Variants in SGSM3 observed in about 807,000 individuals in gnomAD.
The protein encoded by SGSM3 is small G protein signaling modulator 3.
In SGSM3, 96 loss-of-function variants were observed where a neutral mutation model predicts 100.5. That is an observed-to-expected ratio of 0.96 (90% confidence interval 0.81 to 1.13). SGSM3 has a LOEUF of 1.13. SGSM3 is among the 50% of genes most tolerant of loss of function. SGSM3 has a pLI of 0.00. For missense variants in SGSM3, 1,001 were observed against 1,015.8 expected (o/e 0.99, Z 0.20); for synonymous variants, 483 against 422.8 (o/e 1.14, Z -1.75).
At chr22:40,375,574 C>CT (rs2046406384) in intron 1 of SGSM3, among the ~76,000 whole-genome samples, 1 of 147,592 alleles carries the variant, frequency 6.8e-6, no homozygotes, top group Admixed American at 6.7e-5. Flanking sequence ...GAGTGAAACT[C>CT]TGTCTCAAAA....
At chr22:40,378,590 G>A (rs1011677241) in intron 1 of SGSM3, among the ~76,000 whole-genome samples, 9 of 151,864 alleles carry the variant, frequency 5.9e-5, no homozygotes, top group Non-Finnish European at 8.8e-5. Flanking sequence ...AAAATTAGCC[G>A]GGTGTGGTGG....
At chr22:40,375,515 G>A (rs1229296389) in intron 1 of SGSM3, among the ~76,000 whole-genome samples, 1 of 151,902 alleles carries the variant, frequency 6.6e-6, no homozygotes, top group Non-Finnish European at 1.5e-5. Flanking sequence ...GGGAGGCATA[G>A]GTTGCAGTGA....
At chr22:40,395,080 C>T (rs961540462) in intron 1 of SGSM3, among the ~76,000 whole-genome samples, 1 of 152,138 alleles carries the variant, frequency 6.6e-6, no homozygotes, top group South Asian at 2.1e-4. Context: ...GAAGAAATTG[C>T]AGGTTCATGA....
At chr22:40,387,514 A>T (rs1430743254) in intron 1 of SGSM3, 1 of 275,558 alleles carries the variant, frequency 3.6e-6, no homozygotes, top group East Asian at 5.9e-5. Flanking sequence ...TTAATATAAA[A>T]CTTTCAATAT....
rs1476307873 is a variant in SGSM3, at chr22:40,408,621, C to G, written c.1783-6C>G. The G allele has an allele frequency of 1.9e-6, 3 of 1,613,688 alleles. No homozygotes were observed. The highest frequency in any genetic ancestry group is 2.2e-5 in the East Asian group (1 of 44,872). ...CCTGCACTCACACCGTGTGCTGTCC[C>G]CACAGGCTGCAGGCCGGGAGGTCGA... On this transcript the variant is annotated splice_polypyrimidine_tract_variant and splice_region_variant and intron_variant, in intron 16 of 21. Coordinates refer to ENST00000248929, the MANE Select transcript of SGSM3 (RefSeq NM_015705.6).
chr22:40,382,029 C>T lies in SGSM3; in HGVS notation c.-112+11341C>T, dbSNP rs80165341. Among the ~76,000 whole-genome samples, 176 of 152,188 alleles carry T rather than the reference C, an allele frequency of 1.2e-3. No individual in the cohort carries two copies. The East Asian group carries it at 0.029, about 25-fold the overall frequency. ...GATCAGAATAAAAGCTCCACAGAGA[C>T]AGGATTTTGTTTTGTTCACTGTCCT... On this transcript the variant is annotated intron_variant, in intron 1 of 21. Transcript: ENST00000248929.
At chr22:40,406,703 CG>C in intron 10 of SGSM3, 41 bp downstream of exon 10, 1 of 1,514,572 alleles carries the variant, frequency 6.6e-7, no homozygotes, top group Non-Finnish European at 9.1e-7. Flanking sequence ...CCACAGCACA[CG>C]GGGAGGAGGG....
At chr22:40,400,418 C>T (rs923667967) in intron 1 of SGSM3, among the ~76,000 whole-genome samples, 5 of 152,018 alleles carry the variant, frequency 3.3e-5, no homozygotes, top group Admixed American at 6.6e-5. Context: ...CCGAGGCCGG[C>T]GGGATCACGA....
chr22:40,393,077 A>G (rs937646390), intron 1 of SGSM3, among the ~76,000 whole-genome samples: 2 of 152,210 alleles, frequency 1.3e-5, no homozygotes, highest in African/African-American at 2.4e-5. Context: ...TTGTTTATCC[A>G]TCAATTGATG....
At position 40,408,423 on chromosome 22, in the gene SGSM3, CGAG is replaced by C. The variant is rs1569227299; in HGVS notation, c.1781_1782+1del. 1 of 1,613,420 alleles carries C rather than the reference CGAG, an allele frequency of 6.2e-7. No individual in the cohort carries two copies. The highest frequency in any genetic ancestry group is 1.1e-5 in the South Asian group (1 of 91,074). On this transcript the variant is annotated inframe_deletion, in exon 16 of 22. Transcript: ENST00000248929. ...GCGCCTGCCACCCCTGGCTGTTTAT[CGAG>C]GAGGTAAGTCAGTGGCTGGGCCCAT...
chr22:40,405,260 C>T lies in SGSM3; in HGVS notation c.594C>T (p.Ile198=), dbSNP rs369794718. The change falls in exon 7 of 22, where the codon ATC becomes ATT. Residue 198 remains isoleucine, a synonymous_variant. Coordinates refer to ENST00000248929, the MANE Select transcript of SGSM3 (RefSeq NM_015705.6). ...CCCTGGCCTGGCTCTACCCAGAGATCGGCTACTGCCAGGGCACCGGCATGG... is the reference window on the plus strand; with the variant it reads ...CCCTGGCCTGGCTCTACCCAGAGATTGGCTACTGCCAGGGCACCGGCATGG... ...LRALAWLYPE[I]GYCQGTGMVA... 46 of 1,522,840 alleles carry T rather than the reference C, an allele frequency of 3.0e-5. No homozygotes were observed. The African/African-American group carries it at 3.2e-4, about 11-fold the overall frequency. 94.3% of individuals were successfully genotyped at this position (1,522,840 alleles called of 1,614,324 possible).
intron 1 of SGSM3, among the ~76,000 whole-genome samples, chr22:40,372,290 A>C (rs1244220677): frequency 4.0e-5 from 6 of 151,310 alleles, no homozygotes; most frequent in Non-Finnish European, 8.8e-5. Flanking sequence ...CCACACCCGG[A>C]TAATTTTTTG....
rs770473075 is a variant in SGSM3, at chr22:40,404,677, G to C, written c.474+13G>C. ...CGCTGCCAAGCAGGTGAGGCCGGTGGCACTGTGCAGGAAGAGCTGGAGGCT... is the reference window on the plus strand; with the variant it reads ...CGCTGCCAAGCAGGTGAGGCCGGTGCCACTGTGCAGGAAGAGCTGGAGGCT... On this transcript the variant is annotated intron_variant, in intron 6 of 21. Coordinates refer to ENST00000248929, the MANE Select transcript of SGSM3 (RefSeq NM_015705.6). 6.3e-7 allele frequency: 1 copy of C among 1,584,362 alleles called. No individual in the cohort carries two copies. Among genetic ancestry groups the C allele is most frequent in the Non-Finnish European group, 8.6e-7 (1 of 1,156,648 alleles).
intron 1 of SGSM3, among the ~76,000 whole-genome samples, chr22:40,379,842 T>G (rs915995157): frequency 1.3e-5 from 2 of 152,072 alleles, no homozygotes; most frequent in Non-Finnish European, 2.9e-5. Context: ...CTGAGTAATC[T>G]GGGACTACAG....
intron 7 of SGSM3, 33 bp downstream of exon 7, chr22:40,405,317 C>T (rs2051319941): frequency 6.9e-7 from 1 of 1,446,226 alleles, no homozygotes; most frequent in Non-Finnish European, 9.1e-7. Flanking sequence ...CAGTGGCAGC[C>T]CCAGGACCCC....
chr22:40,405,987 T>C, intron 8 of SGSM3, 91 bp from the exon 9 acceptor site: 2 of 1,531,740 alleles, frequency 1.3e-6, no homozygotes, highest in Non-Finnish European at 1.8e-6. Context: ...CTCCCCTCCT[T>C]TGCTCTTAAG....
intron 1 of SGSM3, among the ~76,000 whole-genome samples, chr22:40,388,673 C>G (rs1266252975): frequency 6.6e-6 from 1 of 151,986 alleles, no homozygotes; most frequent in East Asian, 1.9e-4. Context: ...GGCAGAGATT[C>G]CAGTTGAGAG....
Position 40,410,288 on chromosome 22 carries a change from C to T in SGSM3, c.*529C>T, listed in dbSNP as rs2052445041. ...GGACTGAATAAGATGGACTAACAGG[C>T]CTGTGTTTTTGTGTTTATTTTAAAA... On this transcript the variant is annotated 3_prime_UTR_variant, in exon 22 of 22. Coordinates refer to ENST00000248929, the MANE Select transcript of SGSM3 (RefSeq NM_015705.6). 1.7e-6 allele frequency: 1 copy of T among 596,580 alleles called. No individual in the cohort carries two copies. Among genetic ancestry groups the T allele is most frequent in the African/African-American group, 1.9e-5 (1 of 51,654 alleles). The allele number at this position is 596,580 out of a possible 1,614,324, so 37.0% of individuals were successfully genotyped here. A position where few individuals can be genotyped will look rare whatever the true frequency, so the allele number is the denominator to read the frequency against.
chr22:40,380,433 C>T (rs868557893), intron 1 of SGSM3, among the ~76,000 whole-genome samples: 11 of 148,270 alleles, frequency 7.4e-5, no homozygotes, highest in South Asian at 2.1e-4. Context: ...GTGGCACTAT[C>T]TCAGCTCACT....
Sources: gnomAD v4.1 joint callset for allele counts (sites outside exome capture counted in the v4.1 genomes callset) on GRCh38, gnomAD v4.1.1 for gene constraint, MANE v1.5 for transcripts, NCBI Gene and HGNC (gene_info 2026-07-23, HGNC 2026-07-21) for gene names.